CHD3: variants seen among roughly 807,000 people sequenced by gnomAD.
CHD3 encodes the protein ATP-dependent chromatin remodeler CHD3.
A neutral mutation model predicts 248.9 loss-of-function variants in CHD3; 52 were observed. That is an observed-to-expected ratio of 0.21 (90% CI 0.17 to 0.26). The LOEUF is 0.26. Among genes scored for constraint, CHD3 ranks in the 10% least tolerant of loss-of-function variants. CHD3 has a pLI of 1.00. For missense variants in CHD3, 1,482 were observed against 2,605.8 expected (o/e 0.57, Z 9.39); for synonymous variants, 985 against 985.2 (o/e 1.00, Z 0.00).
In CHD3 at chr17:7,912,036, A is replaced by G; in HGVS notation, c.*451A>G. On this transcript the variant is annotated 3_prime_UTR_variant, in exon 40 of 40. Coordinates refer to ENST00000330494, the MANE Select transcript of CHD3 (RefSeq NM_001005273.3). ...AGAGAGCTTTGAAGAGAGGAGGGGGACTTTAGAGAGGGATGAAAATGAGCC... is the reference window on the plus strand; with the variant it reads ...AGAGAGCTTTGAAGAGAGGAGGGGGGCTTTAGAGAGGGATGAAAATGAGCC... The G allele has an allele frequency of 3.4e-6, 1 of 295,170 alleles. No homozygotes were observed. The highest frequency in any genetic ancestry group is 6.6e-6 in the Non-Finnish European group (1 of 151,992). 18.3% of individuals were successfully genotyped at this position (295,170 alleles called of 1,614,324 possible).
In CHD3 at chr17:7,895,222, G is replaced by T. The variant is rs551335813; in HGVS notation, c.1503+72G>T. The T allele has an allele frequency of 1.1e-5, 18 of 1,584,842 alleles. No individual in the cohort carries two copies. The highest frequency in any genetic ancestry group is 1.5e-5 in the Non-Finnish European group (17 of 1,162,754). The stretch of plus-strand genomic sequence containing the variant: ...CTTCCCCCATCCCTGGGGCCCACAT[G>T]TCCAGCTTTTCATTTCTCTGCACTC... On this transcript the variant is annotated intron_variant, in intron 9 of 39. Transcript: ENST00000330494. The surrounding 1 kb of genome is among the most constrained non-coding windows in gnomAD (Gnocchi z 4.9).
Position 7,905,221 on chromosome 17 carries a change from G to A in CHD3, c.4138+56G>A. 1 of 1,532,268 alleles carries A rather than the reference G, an allele frequency of 6.5e-7. No homozygotes were observed. Among genetic ancestry groups the A allele is most frequent in the Non-Finnish European group, 9.0e-7 (1 of 1,105,520 alleles). 94.9% of individuals were successfully genotyped at this position (1,532,268 alleles called of 1,614,324 possible). On this transcript the variant is annotated intron_variant, in intron 26 of 39. Transcript: ENST00000330494. The surrounding 1 kb of genome is among the most constrained non-coding windows in gnomAD (Gnocchi z 5.8). Reference sequence around the variant, plus strand: ...CTCTTCCCGTTTTATTTTCCAGTTTGCTTTAAGCCCACTGTTTTTATACAA... The same window carrying A: ...CTCTTCCCGTTTTATTTTCCAGTTTACTTTAAGCCCACTGTTTTTATACAA...
chr17:7,895,447 C>G lies in CHD3; in HGVS notation c.1612C>G (p.Pro538Ala), dbSNP rs761557613. ...QQADGNPDVP[P>A]PRPLQGRSER... ...GGCAGATGGAAATCCAGATGTCCCA[C>G]CCCCCCGTCCTCTTCAAGGCAGATC... is the stretch of plus-strand genomic sequence containing the variant. The change falls in exon 10 of 40, where the codon CCC becomes GCC. Residue 538 changes from proline to alanine, a missense_variant. Pro to Ala is a conservative substitution (Grantham distance 27, BLOSUM62 -1). Coordinates refer to ENST00000330494, the MANE Select transcript of CHD3 (RefSeq NM_001005273.3). This position sits in a 1 kb window ranked among gnomAD's most constrained non-coding sequence, Gnocchi z 4.9. The G allele has an allele frequency of 5.0e-6, 8 of 1,613,530 alleles. No individual in the cohort carries two copies. The African/African-American group carries it at 9.4e-5, about 19-fold the overall frequency.
At chr17:7,901,945 G>A (rs1970370322) in intron 20 of CHD3, among the ~76,000 whole-genome samples, 1 of 152,134 alleles carries the variant, frequency 6.6e-6, no homozygotes. Flanking sequence ...ATTGGCAGGT[G>A]AGGGTGAAGG....
At position 7,900,198 on chromosome 17, in the gene CHD3, T is replaced by G; in HGVS notation, c.2683-92T>G. The G allele has an allele frequency of 1.3e-6, 2 of 1,543,394 alleles. No individual in the cohort carries two copies. Among genetic ancestry groups the G allele is most frequent in the Non-Finnish European group, 1.7e-6 (2 of 1,150,436 alleles). ...TTGGGGCCTCTGATCCTGAGTGAAA[T>G]GGGAGCTGGGGCAGGGAAAGGCTGA... On this transcript the variant is annotated intron_variant, in intron 16 of 39. Transcript: ENST00000330494. This position sits in a 1 kb window ranked among gnomAD's most constrained non-coding sequence, Gnocchi z 6.5.
intron 4 of CHD3, among the ~76,000 whole-genome samples, chr17:7,892,532 C>T (rs1435101340): frequency 3.2e-5 from 4 of 123,360 alleles, no homozygotes; most frequent in Non-Finnish European, 6.3e-5. Context: ...GAATCTCACT[C>T]TGTCGCCAGG....
rs1268711359 is a variant in CHD3, at chr17:7,911,597, G to A, written c.*12G>A. 2.5e-6 allele frequency: 4 copies of A among 1,613,764 alleles called. No homozygotes were observed. In the African/African-American group the frequency reaches 4.0e-5, roughly 16 times the overall value. On this transcript the variant is annotated 3_prime_UTR_variant, in exon 40 of 40. Transcript: ENST00000330494. The surrounding 1 kb of genome is among the most constrained non-coding windows in gnomAD (Gnocchi z 5.4). Reference sequence around the variant, plus strand: ...GTATAGACGACTGACTGGATCCCAGGCCTGCCCTTCACCCAGGCCCCGTCC... The same window carrying A: ...GTATAGACGACTGACTGGATCCCAGACCTGCCCTTCACCCAGGCCCCGTCC...
At position 7,904,694 on chromosome 17, in the gene CHD3, T is replaced by G. The variant is rs1970705812; in HGVS notation, c.4072+75T>G. ...TAGGGACTTGAAGGCTGGAGCTATT[T>G]AGAGGGAAAGAGAGAAGCCTAGAAG... On this transcript the variant is annotated intron_variant, in intron 25 of 39. Coordinates refer to ENST00000330494, the MANE Select transcript of CHD3 (RefSeq NM_001005273.3). This position sits in a 1 kb window ranked among gnomAD's most constrained non-coding sequence, Gnocchi z 4.4. 7.3e-7 allele frequency: 1 copy of G among 1,361,094 alleles called. No homozygotes were observed. Among genetic ancestry groups the G allele is most frequent in the Non-Finnish European group, 1.0e-6 (1 of 987,368 alleles). 84.3% of individuals were successfully genotyped at this position (1,361,094 alleles called of 1,614,324 possible).
chr17:7,900,491 T>C lies in CHD3; in HGVS notation c.2805-67T>C, dbSNP rs1324354368. 6.2e-7 allele frequency: 1 copy of C among 1,609,412 alleles called. No homozygotes were observed. Among genetic ancestry groups the C allele is most frequent in the Admixed American group, 1.7e-5 (1 of 59,774 alleles). On this transcript the variant is annotated intron_variant, in intron 17 of 39. Coordinates refer to ENST00000330494, the MANE Select transcript of CHD3 (RefSeq NM_001005273.3). This position sits in a 1 kb window ranked among gnomAD's most constrained non-coding sequence, Gnocchi z 6.5. ...GAGCTGGTAGAGGATTAATCTGAGG[T>C]GGTAAGTCTGAGATCAGGGGCAAGG...
In CHD3 at chr17:7,904,718, A is replaced by T; in HGVS notation, c.4072+99A>T. 1 of 1,121,904 alleles carries T rather than the reference A, an allele frequency of 8.9e-7. No homozygotes were observed. Among genetic ancestry groups the T allele is most frequent in the Non-Finnish European group, 1.3e-6 (1 of 791,008 alleles). The allele number at this position is 1,121,904 out of a possible 1,614,324, so 69.5% of individuals were successfully genotyped here. On this transcript the variant is annotated intron_variant, in intron 25 of 39. Coordinates refer to ENST00000330494, the MANE Select transcript of CHD3 (RefSeq NM_001005273.3). This position sits in a 1 kb window ranked among gnomAD's most constrained non-coding sequence, Gnocchi z 4.4. Reference sequence around the variant, plus strand: ...TTAGAGGGAAAGAGAGAAGCCTAGAAGTCAGAGCCTTCCTCTGCTAAAAGG... The same window carrying T: ...TTAGAGGGAAAGAGAGAAGCCTAGATGTCAGAGCCTTCCTCTGCTAAAAGG...
At chr17:7,898,821 T>C (rs542064329) in intron 13 of CHD3, among the ~76,000 whole-genome samples, 190 bp from the exon 14 acceptor site, 1 of 152,178 alleles carries the variant, frequency 6.6e-6, no homozygotes, top group South Asian at 2.1e-4. Context: ...CCCTTCCCCA[T>C]GGTGCTGCTG....
chr17:7,908,916 A>T lies in CHD3; in HGVS notation c.5394+87A>T. ...TCTAGTTGGAACCTAGGGAAGGTTA[A>T]CACCTTCAGGGCTGAGGTGATACCT... On this transcript the variant is annotated intron_variant, in intron 36 of 39. Transcript: ENST00000330494. This position sits in a 1 kb window ranked among gnomAD's most constrained non-coding sequence, Gnocchi z 5.8. 3 of 1,556,988 alleles carry T rather than the reference A, an allele frequency of 1.9e-6. No individual in the cohort carries two copies. Among genetic ancestry groups the T allele is most frequent in the Non-Finnish European group, 2.6e-6 (3 of 1,134,432 alleles).
rs1567854608 is a variant in CHD3 at position 7,899,736 on chromosome 17, A to G, written c.2545-160A>G. On this transcript the variant is annotated intron_variant, in intron 15 of 39. Transcript: ENST00000330494. This position sits in a 1 kb window ranked among gnomAD's most constrained non-coding sequence, Gnocchi z 6.8. ...ATACATGGATCTGTCGGTACTGGAA[A>G]TGTGGGCAGAGGTTTAGGAGCCATG... is the stretch of plus-strand genomic sequence containing the variant. Among the ~76,000 whole-genome samples the G allele has an allele frequency of 6.6e-6, 1 of 152,166 alleles. No individual in the cohort carries two copies. The highest frequency in any genetic ancestry group is 2.4e-5 in the African/African-American group (1 of 41,436).
Position 7,893,527 on chromosome 17 carries a change from C to T in CHD3, c.751C>T (p.Gln251Ter). 2 of 1,503,606 alleles carry T rather than the reference C, an allele frequency of 1.3e-6. No individual in the cohort carries two copies. The highest frequency in any genetic ancestry group is 1.8e-6 in the Non-Finnish European group (2 of 1,096,434). 93.1% of individuals were successfully genotyped at this position (1,503,606 alleles called of 1,614,324 possible). The stretch of plus-strand genomic sequence containing the variant: ...TCCACCACCCCCTGCTGCTGATATC[C>T]AGCCCCCACCCATCCGAAGAGCCAA... ...ALPPPPAADI[Q>*]PPPIRRAKTK... The change falls in exon 5 of 40, where the codon CAG becomes TAG. Residue 251 changes from glutamine to a stop codon, truncating the protein, a stop_gained. Transcript: ENST00000330494. LOFTEE classifies it high-confidence loss of function.
Position 7,911,627 on chromosome 17 carries a change from G to C in CHD3, c.*42G>C. ...CCCTTCACCCAGGCCCCGTCCCCGA[G>C]GCCGACCCCCAGCTCAAGCGCTGGG... On this transcript the variant is annotated 3_prime_UTR_variant, in exon 40 of 40. Coordinates refer to ENST00000330494, the MANE Select transcript of CHD3 (RefSeq NM_001005273.3). The surrounding 1 kb of genome is among the most constrained non-coding windows in gnomAD (Gnocchi z 5.4). The C allele has an allele frequency of 5.6e-6, 9 of 1,612,878 alleles. No individual in the cohort carries two copies. Among genetic ancestry groups the C allele is most frequent in the Non-Finnish European group, 7.6e-6 (9 of 1,179,290 alleles).
In CHD3 at chr17:7,899,587, C is replaced by A; in HGVS notation, c.2544+44C>A. On this transcript the variant is annotated intron_variant, in intron 15 of 39. Coordinates refer to ENST00000330494, the MANE Select transcript of CHD3 (RefSeq NM_001005273.3). This position sits in a 1 kb window ranked among gnomAD's most constrained non-coding sequence, Gnocchi z 6.8. ...TATCCTCTGAGACCCTCAAAGCTGT[C>A]ACTTCTTTTTCTCAGCCAGGAATTC... 1.3e-6 allele frequency: 2 copies of A among 1,575,010 alleles called. No individual in the cohort carries two copies. Among genetic ancestry groups the A allele is most frequent in the South Asian group, 1.1e-5 (1 of 89,698 alleles).
intron 4 of CHD3, among the ~76,000 whole-genome samples, chr17:7,891,801 T>G (rs1314291177): frequency 6.8e-6 from 1 of 147,560 alleles, no homozygotes; most frequent in African/African-American, 2.5e-5. Flanking sequence ...GCAAAGGTTG[T>G]AGTGAGCCGA....
At position 7,907,870 on chromosome 17, in the gene CHD3, G is replaced by A. The variant is rs770157857; in HGVS notation, c.5027-24G>A. Reference sequence around the variant, plus strand: ...GGGAGGAGGGTGTCCTGAGGTGTGAGCTTTGACCTGTCTGTCCTAGCAGAA... The same window carrying A: ...GGGAGGAGGGTGTCCTGAGGTGTGAACTTTGACCTGTCTGTCCTAGCAGAA... On this transcript the variant is annotated intron_variant, in intron 33 of 39. Coordinates refer to ENST00000330494, the MANE Select transcript of CHD3 (RefSeq NM_001005273.3). This position sits in a 1 kb window ranked among gnomAD's most constrained non-coding sequence, Gnocchi z 4.3. The A allele has an allele frequency of 2.5e-6, 4 of 1,604,516 alleles. No homozygotes were observed. Among genetic ancestry groups the A allele is most frequent in the South Asian group, 1.1e-5 (1 of 90,300 alleles).
rs1397585388 is a variant in CHD3 at position 7,901,510 on chromosome 17, T to G, written c.3252+135T>G. ...GGAGATTCCTCCTGTAAGAGTTTTT[T>G]TTTTTTTTTTTTTTTTTGAGACAGA... On this transcript the variant is annotated intron_variant, in intron 20 of 39. Coordinates refer to ENST00000330494, the MANE Select transcript of CHD3 (RefSeq NM_001005273.3). The G allele has an allele frequency of 1.1e-4, 79 of 721,814 alleles. No individual in the cohort carries two copies. In the South Asian group the frequency reaches 2.6e-3, roughly 24 times the overall value. 44.7% of individuals were successfully genotyped at this position (721,814 alleles called of 1,614,324 possible). A position where few individuals can be genotyped will look rare whatever the true frequency, so the allele number is the denominator to read the frequency against.
Sources: allele counts gnomAD v4.1 joint callset (sites outside exome capture counted in the v4.1 genomes callset), GRCh38; gene constraint gnomAD v4.1.1; non-coding constraint Gnocchi (gnomAD v3.1); transcripts MANE v1.5; gene names NCBI Gene and HGNC (gene_info 2026-07-23, HGNC 2026-07-21).